MEF2D: variants seen among roughly 807,000 people sequenced by gnomAD.
MEF2D encodes myocyte enhancer factor 2D.
MEF2D carries 10 observed loss-of-function variants against 59.3 expected under a neutral mutation model. The ratio of observed to expected loss-of-function variants is 0.17; its 90% CI spans 0.10 to 0.29. MEF2D has a LOEUF of 0.29. Ranked by LOEUF, MEF2D falls within the 10% of genes least tolerant of loss-of-function variation. MEF2D has a pLI of 1.00. For missense variants in MEF2D, 508 were observed against 699.4 expected, an observed-to-expected ratio of 0.73 and a Z score of 3.09; for synonymous variants, 305 against 295.0, an observed-to-expected ratio of 1.03 and a Z score of -0.35.
At chr1:156,476,856 G>A (rs1571231548) in intron 7 of MEF2D, 156 bp downstream of exon 7, 1 of 906,492 alleles carries the variant, frequency 1.1e-6, no homozygotes, top group Non-Finnish European at 1.7e-6. Flanking sequence ...GGCCCTCTGG[G>A]AAGAAAAATC....
In MEF2D at chr1:156,482,597, T is replaced by C; in HGVS notation, c.98A>G (p.Tyr33Cys). ...KRKFGLMKKAYELSVLCDCEI... is the reference protein window; with the variant it reads ...KRKFGLMKKACELSVLCDCEI... ...GCAGTCACATAGCACGCTCAGCTCA[T>C]ACGCCTTCTTCATCAGGCCAAACTT... is the stretch of plus-strand genomic sequence containing the variant. The change falls in exon 3 of 12, where the codon TAT becomes TGT. Residue 33 changes from tyrosine to cysteine, a missense_variant. Physicochemically the swap from Tyr to Cys is radical, Grantham distance 194. Coordinates refer to ENST00000348159, the MANE Select transcript of MEF2D (RefSeq NM_005920.4). 6.2e-7 allele frequency: 1 copy of C among 1,614,236 alleles called. No homozygotes were observed.
At chr1:156,492,185 A>G (rs1301477601) in intron 1 of MEF2D, among the ~76,000 whole-genome samples, 1 of 152,252 alleles carries the variant, frequency 6.6e-6, no homozygotes, top group Non-Finnish European at 1.5e-5. Flanking sequence ...TTGGGGCGGC[A>G]GCAGCAGGAG....
intron 6 of MEF2D, 37 bp from the exon 7 acceptor site, chr1:156,477,239 A>G (rs751732019): frequency 6.5e-7 from 1 of 1,542,140 alleles, no homozygotes; most frequent in Admixed American, 1.9e-5. Context: ...AAGGAAAAAC[A>G]TGGGCCTATC....
intron 1 of MEF2D, among the ~76,000 whole-genome samples, chr1:156,487,330 T>G (rs113128508): frequency 4.0e-4 from 61 of 152,310 alleles, no homozygotes; most frequent in Admixed American, 1.4e-3. Context: ...CCTACCAAGG[T>G]AGCCCAAAGC....
intron 6 of MEF2D, among the ~76,000 whole-genome samples, chr1:156,478,390 C>A (rs899229145): frequency 6.6e-6 from 1 of 152,072 alleles, no homozygotes; most frequent in Non-Finnish European, 1.5e-5. Flanking sequence ...TCCCAATTCC[C>A]GGACCACTCT....
intron 1 of MEF2D, among the ~76,000 whole-genome samples, chr1:156,492,412 T>C (rs1557895825): frequency 1.3e-5 from 2 of 152,174 alleles, no homozygotes; most frequent in Non-Finnish European, 2.9e-5. Context: ...TGGTGACACG[T>C]GGGAGGGCAT....
intron 9 of MEF2D, among the ~76,000 whole-genome samples, chr1:156,469,416 C>A (rs112234303): frequency 0.06 from 9,183 of 151,928 alleles, 970 homozygotes; most frequent in African/African-American, 0.21. Flanking sequence ...TGCCACCACG[C>A]CCAGCTAATT....
At chr1:156,477,652 G>A (rs972310035) in intron 6 of MEF2D, among the ~76,000 whole-genome samples, 2 of 152,304 alleles carry the variant, frequency 1.3e-5, no homozygotes, top group Non-Finnish European at 1.5e-5. Flanking sequence ...TGGAAGGGGT[G>A]GCAGCCTGGA....
rs1252110913 is a variant in MEF2D, at chr1:156,464,522, A to G, written c.*3123T>C. On this transcript the variant is annotated 3_prime_UTR_variant, in exon 12 of 12. Coordinates refer to ENST00000348159, the MANE Select transcript of MEF2D (RefSeq NM_005920.4). ...TGGGGAGGGGGAGGGCCATTAGATG[A>G]CTCCAGTGGTTACTTTGGCAAATGC... 6.6e-6 allele frequency: 1 copy of G among 151,076 alleles called. No individual in the cohort carries two copies. Among genetic ancestry groups the G allele is most frequent in the African/African-American group, 2.4e-5 (1 of 40,940 alleles). 9.4% of individuals were successfully genotyped at this position (151,076 alleles called of 1,614,324 possible). A position where few individuals can be genotyped will look rare whatever the true frequency, so the allele number is the denominator to read the frequency against.
intron 5 of MEF2D, 27 bp from the exon 6 acceptor site, chr1:156,479,373 G>T (rs779589026): frequency 6.2e-6 from 10 of 1,608,422 alleles, no homozygotes; most frequent in Non-Finnish European, 8.5e-6. Flanking sequence ...ACCAGGATGA[G>T]CTGACAACAC....
At position 156,467,476 on chromosome 1, in the gene MEF2D, A is replaced by C; in HGVS notation, c.*169T>G. On this transcript the variant is annotated 3_prime_UTR_variant, in exon 12 of 12. Transcript: ENST00000348159. The stretch of plus-strand genomic sequence containing the variant: ...GAGAATCCAAATTAAAAAAAATATA[A>C]TAATAATAATAATAATATAATAATT... The C allele has an allele frequency of 3.1e-6, 1 of 323,074 alleles. No homozygotes were observed. The highest frequency in any genetic ancestry group is 5.6e-6 in the Non-Finnish European group (1 of 179,006). 20.0% of individuals were successfully genotyped at this position (323,074 alleles called of 1,614,324 possible).
rs180864436 is a variant in MEF2D, at chr1:156,477,326, G to C, written c.665-124C>G. ...TCAAAGCCATGCTTAGGCTTTGAGT[G>C]GGGGCTGAGCTATCTGATATTCCCT... is the stretch of plus-strand genomic sequence containing the variant. On this transcript the variant is annotated intron_variant, in intron 6 of 11. Coordinates refer to ENST00000348159, the MANE Select transcript of MEF2D (RefSeq NM_005920.4). The C allele has an allele frequency of 1.4e-3, 1,130 of 780,152 alleles. 3 individuals carry two copies. Among genetic ancestry groups the C allele is most frequent in the Middle Eastern group, 0.014 (51 of 3,618 alleles). The allele number at this position is 780,152 out of a possible 1,614,324, so 48.3% of individuals were successfully genotyped here.
At chr1:156,496,139 C>A (rs546091303) in intron 1 of MEF2D, among the ~76,000 whole-genome samples, 1 of 152,196 alleles carries the variant, frequency 6.6e-6, no homozygotes, top group Non-Finnish European at 1.5e-5. Flanking sequence ...AGGCTTGTAG[C>A]CTCAGCCTCA....
chr1:156,466,828 T>C lies in MEF2D; in HGVS notation c.*817A>G, dbSNP rs1670877570. 6.5e-6 allele frequency: 1 copy of C among 152,768 alleles called. No individual in the cohort carries two copies. The highest frequency in any genetic ancestry group is 1.5e-5 in the Non-Finnish European group (1 of 68,158). The allele number at this position is 152,768 out of a possible 1,614,324, so 9.5% of individuals were successfully genotyped here. On this transcript the variant is annotated 3_prime_UTR_variant, in exon 12 of 12. Transcript: ENST00000348159. ...AAAACTGGGGAAGGGAGGGGCTCAA[T>C]TTGCCCCCTGCCTAGCCCTTCTGCC... is the stretch of plus-strand genomic sequence containing the variant.
chr1:156,474,757 C>G (rs1040790768), intron 9 of MEF2D, among the ~76,000 whole-genome samples: 1 of 151,986 alleles, frequency 6.6e-6, no homozygotes, highest in African/African-American at 2.4e-5. Flanking sequence ...CTGTAGTGAG[C>G]TAGGATGGCA....
intron 4 of MEF2D, among the ~76,000 whole-genome samples, chr1:156,480,429 G>A (rs981364409): frequency 6.6e-6 from 1 of 152,170 alleles, no homozygotes; most frequent in African/African-American, 2.4e-5. Context: ...TCTTGCTGGA[G>A]AGGGGGACAC....
At chr1:156,498,101 TAAAAAAAAA>T (rs5777987) in intron 1 of MEF2D, among the ~76,000 whole-genome samples, 2 of 56,032 alleles carry the variant, frequency 3.6e-5, no homozygotes, top group Non-Finnish European at 6.2e-5. Context: ...CAGGAAAGAT[TAAAAAAAAA>T]AAAAAAAAAA....
chr1:156,489,748 G>A (rs1305330419), intron 1 of MEF2D, among the ~76,000 whole-genome samples: 2 of 152,102 alleles, frequency 1.3e-5, no homozygotes, highest in African/African-American at 4.8e-5. Context: ...GGGGCCCTTG[G>A]GGGCCTGGAC....
Position 156,468,069 on chromosome 1 carries a change from G to A in MEF2D, c.1478C>T (p.Thr493Ile). The change falls in exon 11 of 12, where the codon ACA becomes ATA. Residue 493 changes from threonine to isoleucine, a missense_variant. Around this residue, in one of 2 missense-constraint regions of MEF2D, gnomAD observed 481 missense variants for 584.7 expected, o/e 0.82. Transcript: ENST00000348159. The surrounding 1 kb of genome is among the most constrained non-coding windows in gnomAD (Gnocchi z 4.3). Reference protein sequence around the residue: ...RDDGRGDFGPTLGLLRPAPEP... With the variant: ...RDDGRGDFGPILGLLRPAPEP... Reference sequence around the variant, plus strand: ...TGGGGCTGGGCGCAGCAGGCCCAGTGTGGGCCCGAAGTCCCCCCGTCCGTC... The same window carrying A: ...TGGGGCTGGGCGCAGCAGGCCCAGTATGGGCCCGAAGTCCCCCCGTCCGTC... The A allele has an allele frequency of 2.5e-6, 4 of 1,614,088 alleles. No homozygotes were observed. Among genetic ancestry groups the A allele is most frequent in the Non-Finnish European group, 3.4e-6 (4 of 1,180,002 alleles).
Sources: gnomAD v4.1 joint callset for allele counts (sites outside exome capture counted in the v4.1 genomes callset) on GRCh38, gnomAD v4.1.1 for gene constraint, gnomAD v4.1.1 regional missense constraint, Gnocchi (gnomAD v3.1) non-coding constraint, MANE v1.5 for transcripts, NCBI Gene and HGNC (gene_info 2026-07-23, HGNC 2026-07-21) for gene names.